Variants in UXS1 observed in about 807,000 individuals in gnomAD.
UXS1 encodes the protein UDP-glucuronic acid decarboxylase 1.
UXS1 carries 33 observed loss-of-function variants against 62.6 expected under a neutral mutation model. The ratio of observed to expected loss-of-function variants is 0.53; its 90% confidence interval spans 0.40 to 0.70. UXS1 has a LOEUF of 0.70. Ranked by LOEUF, UXS1 falls within the 30% of genes least tolerant of loss-of-function variation. UXS1 has a pLI of 0.00. For synonymous variants in UXS1, 213 were observed against 206.8 expected (o/e 1.03, Z -0.26); for missense variants, 434 against 556.3 (o/e 0.78, Z 2.21).
At chr2:106,114,739 G>A (rs1248639231) in intron 9 of UXS1, among the ~76,000 whole-genome samples, 2 of 152,192 alleles carry the variant, frequency 1.3e-5, no homozygotes, top group South Asian at 2.1e-4. Context: ...ATTTGGGCCT[G>A]TAATGGTTCA....
intron 11 of UXS1, chr2:106,102,289 G>A (rs539737596): frequency 6.6e-6 from 1 of 152,174 alleles, no homozygotes; most frequent in South Asian, 2.1e-4. Context: ...ATACATCTGT[G>A]CAGGTTTATA....
At chr2:106,129,893 T>C (rs1202008570) in intron 6 of UXS1, 115 bp from the exon 7 acceptor site, 1 of 601,016 alleles carries the variant, frequency 1.7e-6, no homozygotes, top group African/African-American at 1.9e-5. Context: ...TGAAATCAAG[T>C]TATTTTATTC....
chr2:106,112,737 A>T lies in UXS1; in HGVS notation c.788T>A (p.Ile263Asn). The T allele has an allele frequency of 6.2e-7, 1 of 1,614,004 alleles. No individual in the cohort carries two copies. Among genetic ancestry groups the T allele is most frequent in the East Asian group, 2.2e-5 (1 of 44,872 alleles). Residue 263 changes from isoleucine (I) to asparagine (N), a missense_variant, in exon 10 of 15, where the codon ATC becomes AAC. Physicochemically the swap from Ile to Asn is moderately radical, Grantham distance 149. Coordinates refer to ENST00000283148, the MANE Select transcript of UXS1 (RefSeq NM_001253875.2). Reference sequence around the variant, plus strand: ...CATGCGTGGCCCAAAGGTGTTGAAGATTCTGGCCACTCGCACTTCCACGCC... The same window carrying T: ...CATGCGTGGCCCAAAGGTGTTGAAGTTTCTGGCCACTCGCACTTCCACGCC... The part of the protein sequence containing the change: ...QEGVEVRVAR[I>N]FNTFGPRMHM...
intron 9 of UXS1, among the ~76,000 whole-genome samples, chr2:106,116,519 A>C (rs565301622): frequency 2.8e-4 from 42 of 152,320 alleles, no homozygotes; most frequent in African/African-American, 9.6e-4. Flanking sequence ...ATGCAAGATG[A>C]TGCTGCCTGT....
At chr2:106,104,673 A>G (rs1298379036) in intron 11 of UXS1, 121 bp downstream of exon 11, 1 of 1,260,712 alleles carries the variant, frequency 7.9e-7, no homozygotes, top group East Asian at 2.4e-5. Context: ...TTTTTAATCA[A>G]TATATAGTGT....
chr2:106,138,705 A>G, intron 6 of UXS1: 4 of 985,494 alleles, frequency 4.1e-6, no homozygotes, highest in Non-Finnish European at 4.8e-6. Context: ...CTGCTCCGGA[A>G]GGCTGAGGGC....
intron 1 of UXS1, among the ~76,000 whole-genome samples, chr2:106,174,686 G>T (rs1203565330): frequency 1.3e-5 from 2 of 152,224 alleles, no homozygotes; most frequent in African/African-American, 4.8e-5. Flanking sequence ...CAAGGCACGT[G>T]CCCAGTAAGA....
intron 6 of UXS1, among the ~76,000 whole-genome samples, chr2:106,141,865 G>GC (rs1681127264): frequency 6.9e-6 from 1 of 145,360 alleles, no homozygotes; most frequent in Non-Finnish European, 1.5e-5. Flanking sequence ...TAGCTTCAGT[G>GC]TTTTTTTTTT....
At chr2:106,128,225 T>TCTAAGCA (rs540753655) in intron 7 of UXS1, among the ~76,000 whole-genome samples, 1 of 152,216 alleles carries the variant, frequency 6.6e-6, no homozygotes, top group African/African-American at 2.4e-5. Context: ...CACGCACACC[T>TCTAAGCA]CTAAGCAGAA....
At chr2:106,176,802 T>C (rs1255637759) in intron 1 of UXS1, among the ~76,000 whole-genome samples, 1 of 152,220 alleles carries the variant, frequency 6.6e-6, no homozygotes, top group Non-Finnish European at 1.5e-5. Context: ...GGCGCTTGCT[T>C]ATCAGACCTC....
chr2:106,143,117 C>A (rs758224220), intron 6 of UXS1, among the ~76,000 whole-genome samples: 6 of 151,392 alleles, frequency 4.0e-5, no homozygotes, highest in Non-Finnish European at 8.8e-5. Flanking sequence ...TGTTTCTTGC[C>A]ATGTGCTAAA....
intron 9 of UXS1, among the ~76,000 whole-genome samples, chr2:106,114,964 T>C (rs1402251995): frequency 6.6e-6 from 1 of 152,210 alleles, no homozygotes; most frequent in Non-Finnish European, 1.5e-5. Flanking sequence ...TGTATGCCCA[T>C]CTATCCCTTT....
chr2:106,152,289 T>A (rs1026868421), intron 5 of UXS1, among the ~76,000 whole-genome samples: 1 of 151,954 alleles, frequency 6.6e-6, no homozygotes, highest in South Asian at 2.1e-4. Flanking sequence ...CCACCTCTAC[T>A]AAAAATACAA....
intron 1 of UXS1, among the ~76,000 whole-genome samples, chr2:106,188,888 C>T (rs994787543): frequency 2.6e-5 from 4 of 152,152 alleles, no homozygotes; most frequent in African/African-American, 7.2e-5. Flanking sequence ...AGAGAATATA[C>T]CATGAAATGA....
intron 1 of UXS1, among the ~76,000 whole-genome samples, chr2:106,185,848 G>A (rs1684517595): frequency 6.6e-6 from 1 of 152,190 alleles, no homozygotes; most frequent in African/African-American, 2.4e-5. Context: ...AGCAGTGCAG[G>A]CAAAAGACAA....
At chr2:106,120,389 G>A (rs903877813) in intron 9 of UXS1, among the ~76,000 whole-genome samples, 2 of 152,174 alleles carry the variant, frequency 1.3e-5, no homozygotes, top group African/African-American at 4.8e-5. Flanking sequence ...TCAAGGGCAC[G>A]GTCCTCCCTG....
chr2:106,116,605 C>T lies in UXS1; in HGVS notation c.760-3840G>A, dbSNP rs149603535. Among the ~76,000 whole-genome samples the T allele has an allele frequency of 3.2e-4, 49 of 152,300 alleles. 2 individuals are homozygous for T. In the East Asian group the frequency reaches 7.1e-3, roughly 22 times the overall value. ...GTTCATTAACCCCTTTTCCTCTCCCCGTGTCTCTTGATGTTAAATGTTACT... is the reference window on the plus strand; with the variant it reads ...GTTCATTAACCCCTTTTCCTCTCCCTGTGTCTCTTGATGTTAAATGTTACT... On this transcript the variant is annotated intron_variant, in intron 9 of 14. Transcript: ENST00000283148.
chr2:106,164,682 TA>T, intron 3 of UXS1, 53 bp downstream of exon 3: 1 of 1,349,800 alleles, frequency 7.4e-7, no homozygotes, highest in Non-Finnish European at 1.0e-6. Context: ...GCAAAGGAAG[TA>T]AAATTGACAA....
chr2:106,144,776 T>C (rs1352284267), intron 6 of UXS1, among the ~76,000 whole-genome samples: 1 of 152,168 alleles, frequency 6.6e-6, no homozygotes, highest in Non-Finnish European at 1.5e-5. Flanking sequence ...AGGCCTCTTT[T>C]ATAAAAACAC....
Sources: gnomAD v4.1 joint callset for allele counts (sites outside exome capture counted in the v4.1 genomes callset) on GRCh38, gnomAD v4.1.1 for gene constraint, MANE v1.5 for transcripts, NCBI Gene and HGNC (gene_info 2026-07-23, HGNC 2026-07-21) for gene names.